The following DAB1 variants were observed in gnomAD, a reference collection of about 807,000 sequenced individuals.
DAB1 encodes disabled homolog 1.
A neutral mutation model predicts 64.6 loss-of-function variants in DAB1; 15 were observed. The observed-to-expected ratio is 0.23, with a 90% CI of 0.16 to 0.36. The LOEUF (loss-of-function observed/expected upper bound fraction) is 0.36. Among genes scored for constraint, DAB1 ranks in the 10% least tolerant of loss-of-function variants. The pLI is 1.00. For synonymous variants in DAB1, 235 were observed against 251.9 expected, an observed-to-expected ratio of 0.93 and a Z score of 0.64; for missense variants, 596 against 706.7, an observed-to-expected ratio of 0.84 and a Z score of 1.78.
intron 2 of DAB1, among the ~76,000 whole-genome samples, chr1:57,166,998 T>C (rs771132579): frequency 1.6e-4 from 25 of 152,192 alleles, no homozygotes; most frequent in Non-Finnish European, 3.1e-4. Flanking sequence ...CCAGCTCAGA[T>C]TTCTCCATTC....
intron 5 of DAB1, among the ~76,000 whole-genome samples, chr1:57,912,769 A>C (rs930099695): frequency 1.3e-5 from 2 of 152,222 alleles, no homozygotes; most frequent in African/African-American, 4.8e-5. Flanking sequence ...ATCAATGTGC[A>C]AAAATCACAA....
intron 1 of DAB1, among the ~76,000 whole-genome samples, chr1:57,378,625 AG>A (rs1681101088): frequency 6.6e-6 from 1 of 152,194 alleles, no homozygotes; most frequent in Non-Finnish European, 1.5e-5. Context: ...GTGTATTAGA[AG>A]GATGGAGCAA....
At chr1:58,431,482 CG>C (rs1644870138) in intron 3 of DAB1, among the ~76,000 whole-genome samples, 1 of 144,302 alleles carries the variant, frequency 6.9e-6, no homozygotes, top group Non-Finnish European at 1.5e-5. Flanking sequence ...CGCTTGAACC[CG>C]GGAGGTGGAG....
intron 5 of DAB1, among the ~76,000 whole-genome samples, chr1:57,922,382 G>A (rs766894160): frequency 5.9e-5 from 9 of 152,006 alleles, no homozygotes; most frequent in Non-Finnish European, 1.2e-4. Flanking sequence ...AGAAAGGAAG[G>A]AAAGAAGAAA....
intron 1 of DAB1, among the ~76,000 whole-genome samples, chr1:57,869,142 A>C (rs940556534): frequency 1.8e-4 from 27 of 152,064 alleles, no homozygotes; most frequent in Non-Finnish European, 4.0e-4. Flanking sequence ...TCCATCCTTT[A>C]CTGCCAGTAA....
intron 5 of DAB1, among the ~76,000 whole-genome samples, chr1:58,085,981 T>TTTTTTG (rs1244211289): frequency 6.9e-6 from 1 of 145,316 alleles, no homozygotes; most frequent in African/African-American, 2.6e-5. Flanking sequence ...TTTTTTTTTT[T>TTTTTTG]GAGACGGAGT....
In DAB1 at chr1:57,071,655, T is replaced by C. The variant is rs774011865; in HGVS notation, c.439-14A>G. 6 of 1,611,894 alleles carry C rather than the reference T, an allele frequency of 3.7e-6. No individual in the cohort carries two copies. The South Asian group carries it at 6.6e-5, about 18-fold the overall frequency. ...AACAGGTTCAGCCTGGGATGAAAGG[T>C]AGTAAGGCACATCATAAGGGAATGG... On this transcript the variant is annotated splice_polypyrimidine_tract_variant and intron_variant, in intron 5 of 14. Transcript: ENST00000371236.
chr1:57,122,548 G>A (rs1020498759), intron 4 of DAB1, among the ~76,000 whole-genome samples: 3 of 152,174 alleles, frequency 2.0e-5, no homozygotes, highest in African/African-American at 7.2e-5. Flanking sequence ...GGTGCATTCA[G>A]TTCTCTAGAA....
intron 5 of DAB1, among the ~76,000 whole-genome samples, chr1:57,907,920 TATAC>T (rs1234800997): frequency 7.7e-6 from 1 of 129,510 alleles, no homozygotes; most frequent in African/African-American, 3.4e-5. Flanking sequence ...ATAATATATA[TATAC>T]ACACACACAC....
At chr1:57,051,440 T>C (rs1649174236) in intron 9 of DAB1, among the ~76,000 whole-genome samples, 2 of 152,124 alleles carry the variant, frequency 1.3e-5, no homozygotes, top group African/African-American at 4.8e-5. Flanking sequence ...CCATAAAAGA[T>C]GGGAGTTGTG....
intron 5 of DAB1, among the ~76,000 whole-genome samples, chr1:58,023,234 T>C (rs185179274): frequency 1.1e-4 from 16 of 152,196 alleles, no homozygotes; most frequent in Non-Finnish European, 2.2e-4. Context: ...ATAACAGCTC[T>C]AGTAAGGCCT....
At chr1:57,584,008 T>G (rs1389431999) in intron 7 of DAB1, among the ~76,000 whole-genome samples, 1 of 152,190 alleles carries the variant, frequency 6.6e-6, no homozygotes, top group East Asian at 1.9e-4. Flanking sequence ...TTTGAGTCCT[T>G]GTGGACGAAC....
intron 4 of DAB1, among the ~76,000 whole-genome samples, chr1:58,306,606 G>A (rs1029151003): frequency 6.6e-6 from 1 of 152,070 alleles, no homozygotes; most frequent in Non-Finnish European, 1.5e-5. Flanking sequence ...GGGTTGCTTG[G>A]CTGCAGAATT....
At chr1:58,319,879 G>A (rs576111748) in intron 4 of DAB1, among the ~76,000 whole-genome samples, 2 of 152,260 alleles carry the variant, frequency 1.3e-5, no homozygotes, top group Admixed American at 1.3e-4. Flanking sequence ...TCCATCTGCT[G>A]CTCACTAGAT....
intron 1 of DAB1, among the ~76,000 whole-genome samples, chr1:57,422,700 G>A (rs1489193745): frequency 6.6e-6 from 1 of 152,124 alleles, no homozygotes; most frequent in Non-Finnish European, 1.5e-5. Context: ...CCCCAACAAT[G>A]AGGATTTGTG....
chr1:58,129,261 T>A (rs999736523), intron 5 of DAB1, among the ~76,000 whole-genome samples: 3 of 151,718 alleles, frequency 2.0e-5, no homozygotes, highest in Non-Finnish European at 4.4e-5. Context: ...GTTTGTAGTA[T>A]TCCCTGATGG....
intron 1 of DAB1, among the ~76,000 whole-genome samples, chr1:57,855,989 G>T (rs1653733845): frequency 2.0e-5 from 3 of 152,184 alleles, no homozygotes; most frequent in Admixed American, 2.0e-4. Flanking sequence ...ATATTCTAAT[G>T]ATAGAGTTGG....
At chr1:57,530,950 G>A (rs114466433) in intron 7 of DAB1, among the ~76,000 whole-genome samples, 1,572 of 152,274 alleles carry the variant, frequency 0.01, 15 homozygotes, top group Non-Finnish European at 0.014. Context: ...AGAATCTTTT[G>A]TTGGTGTTGG....
upstream of DAB1, among the ~76,000 whole-genome samples, chr1:57,888,723 C>T (rs922704862): frequency 2.6e-5 from 4 of 151,974 alleles, no homozygotes; most frequent in East Asian, 1.9e-4. Context: ...TGTGTTTTAT[C>T]GCCAATAGAA....
Sources: allele counts gnomAD v4.1 joint callset (sites outside exome capture counted in the v4.1 genomes callset), GRCh38; gene constraint gnomAD v4.1.1; transcripts MANE v1.5; gene names NCBI Gene and HGNC (gene_info 2026-07-23, HGNC 2026-07-21).